The following LINGO2 variants were observed in gnomAD, a reference collection of about 807,000 sequenced individuals.
LINGO2 encodes the protein leucine-rich repeat and immunoglobulin-like domain-containing nogo receptor-interacting protein 2.
LINGO2 carries 14 observed loss-of-function variants against 30.6 expected under a neutral mutation model. That is an observed-to-expected ratio of 0.46 (90% CI 0.30 to 0.72). The LOEUF is 0.72. Among genes scored for constraint, LINGO2 ranks in the 30% least tolerant of loss-of-function variants. The pLI, the probability that LINGO2 is intolerant of heterozygous loss-of-function variation, is 0.07. For missense variants in LINGO2, 729 were observed against 751.7 expected (o/e 0.97, Z 0.35); for synonymous variants, 317 against 288.5 (o/e 1.10, Z -1.00).
At chr9:28,922,376 A>AT in the LINGO2 span, among the ~76,000 whole-genome samples, 25,536 of 150,192 alleles carry the variant, frequency 0.17, 2,211 homozygotes, top group East Asian at 0.28. Flanking sequence ...AAAGAGTCAG[A>AT]TTTTTTTTTT....
chr9:28,623,849 T>G (rs146552892), intron 1 of LINGO2, among the ~76,000 whole-genome samples: 155 of 152,264 alleles, frequency 1.0e-3, no homozygotes, highest in Middle Eastern at 3.4e-3. Context: ...ATTCCATTTT[T>G]TGTATCCTCT....
chr9:28,479,358 G>A (rs1002049381), intron 1 of LINGO2, among the ~76,000 whole-genome samples: 3 of 151,804 alleles, frequency 2.0e-5, no homozygotes, highest in African/African-American at 4.8e-5. Context: ...TTACAAAAGA[G>A]AACATAGGAA....
the LINGO2 span, among the ~76,000 whole-genome samples, chr9:28,727,501 G>A: frequency 6.6e-6 from 1 of 152,086 alleles, no homozygotes; most frequent in African/African-American, 2.4e-5. Context: ...TGTTAGCCAG[G>A]ATGGTCTCAA....
the LINGO2 span, among the ~76,000 whole-genome samples, chr9:28,695,048 T>TACAAACAA: frequency 1.3e-5 from 2 of 150,038 alleles, no homozygotes; most frequent in African/African-American, 4.9e-5. Context: ...CAATCTCTAA[T>TACAAACAA]ACAAACAAAC....
chr9:28,894,809 A>G, the LINGO2 span, among the ~76,000 whole-genome samples: 2 of 152,102 alleles, frequency 1.3e-5, no homozygotes, highest in Admixed American at 1.3e-4. Context: ...GAATGACTAA[A>G]TCAAGCTAAT....
At chr9:28,904,497 AT>A in the LINGO2 span, among the ~76,000 whole-genome samples, 1 of 152,042 alleles carries the variant, frequency 6.6e-6, no homozygotes, top group East Asian at 1.9e-4. Context: ...TAATAAAGAA[AT>A]TCCATAGGGT....
the LINGO2 span, among the ~76,000 whole-genome samples, chr9:29,124,834 A>C: frequency 2.6e-5 from 4 of 152,298 alleles, no homozygotes; most frequent in East Asian, 7.7e-4. Context: ...TAGTTCAACC[A>C]TTGTGGAAGA....
intron 2 of LINGO2, among the ~76,000 whole-genome samples, chr9:28,384,329 C>CCATATATATATATATA (rs1554714422): frequency 1.6e-5 from 2 of 123,338 alleles, no homozygotes; most frequent in Non-Finnish European, 3.5e-5. Context: ...ATGTTATGCA[C>CCATATATATATATATA]TATATATATA....
chr9:27,938,508 G>T, the LINGO2 span: 1 of 152,154 alleles, frequency 6.6e-6, no homozygotes, highest in African/African-American at 2.4e-5. Flanking sequence ...AAAGAAACAT[G>T]AATCCAGTGA....
the LINGO2 span, among the ~76,000 whole-genome samples, chr9:29,162,812 A>G: frequency 6.6e-6 from 1 of 152,166 alleles, no homozygotes; most frequent in Non-Finnish European, 1.5e-5. Context: ...GCTGGAGAAA[A>G]AAATACTCCT....
intron 2 of LINGO2, among the ~76,000 whole-genome samples, chr9:28,422,234 A>C (rs1289074376): frequency 6.6e-6 from 1 of 152,160 alleles, no homozygotes; most frequent in Non-Finnish European, 1.5e-5. Flanking sequence ...GGCAACCTAC[A>C]TAATGAGTGA....
chr9:28,874,287 G>C, the LINGO2 span, among the ~76,000 whole-genome samples: 1 of 151,862 alleles, frequency 6.6e-6, no homozygotes, highest in Non-Finnish European at 1.5e-5. Context: ...GTACTCAGTG[G>C]TTCTACGTAA....
chr9:28,505,017 G>A (rs1226288327), intron 1 of LINGO2, among the ~76,000 whole-genome samples: 2 of 151,848 alleles, frequency 1.3e-5, no homozygotes, highest in African/African-American at 4.8e-5. Context: ...GGATGAGAAA[G>A]AAAATTATGT....
chr9:29,020,541 T>A, the LINGO2 span, among the ~76,000 whole-genome samples: 1 of 110,120 alleles, frequency 9.1e-6, no homozygotes, highest in Non-Finnish European at 2.2e-5. Flanking sequence ...TAAGCCCTAT[T>A]TTTAAGCTTC....
chr9:28,442,543 C>CAG (rs1256103227), intron 2 of LINGO2, among the ~76,000 whole-genome samples: 4 of 152,084 alleles, frequency 2.6e-5, no homozygotes, highest in African/African-American at 9.7e-5. Flanking sequence ...TTTCCTTCTT[C>CAG]AGTACTTACC....
chr9:28,964,184 G>A, the LINGO2 span, among the ~76,000 whole-genome samples: 2 of 151,942 alleles, frequency 1.3e-5, 1 homozygote, highest in South Asian at 4.2e-4. Flanking sequence ...AGGACAATTT[G>A]TGATACAGAA....
intron 5 of LINGO2, among the ~76,000 whole-genome samples, chr9:27,962,196 G>A (rs1463723632): frequency 6.6e-6 from 1 of 152,106 alleles, no homozygotes; most frequent in Non-Finnish European, 1.5e-5. Context: ...ACGGTAAAGT[G>A]CGAGTCGTTT....
At chr9:28,805,277 T>C in the LINGO2 span, among the ~76,000 whole-genome samples, 5 of 152,180 alleles carry the variant, frequency 3.3e-5, no homozygotes, top group Non-Finnish European at 5.9e-5. Context: ...ATCACACAAC[T>C]TGTATACTAG....
chr9:28,021,503 T>G (rs574740473), intron 4 of LINGO2, among the ~76,000 whole-genome samples: 1 of 152,248 alleles, frequency 6.6e-6, no homozygotes, highest in African/African-American at 2.4e-5. Flanking sequence ...GTCAATTAGA[T>G]TAAGTTGATT....
Sources: allele counts gnomAD v4.1 joint callset (sites outside exome capture counted in the v4.1 genomes callset), GRCh38; gene constraint gnomAD v4.1.1; transcripts MANE v1.5; gene names NCBI Gene and HGNC (gene_info 2026-07-23, HGNC 2026-07-21).